The following C16orf95 variants were observed in gnomAD, a reference collection of about 807,000 sequenced individuals.
C16orf95 encodes the protein chromosome 16 open reading frame 95.
C16orf95 carries 41 observed loss-of-function variants against 32.1 expected under a neutral mutation model. The ratio of observed to expected loss-of-function variants is 1.28; its 90% CI spans 1.00 to 1.66. The LOEUF (loss-of-function observed/expected upper bound fraction) is 1.66. Ranked by LOEUF, C16orf95 falls within the 40% of genes most tolerant of loss-of-function variation. The pLI is 0.00. For synonymous variants in C16orf95, 147 were observed against 128.9 expected (o/e 1.14, Z -0.95); for missense variants, 399 against 325.9 (o/e 1.22, Z -1.73).
chr16:87,316,139 A>C (rs1437585018), intron 1 of C16orf95, among the ~76,000 whole-genome samples: 1 of 152,230 alleles, frequency 6.6e-6, no homozygotes, highest in Non-Finnish European at 1.5e-5. Flanking sequence ...GGAGCATTCC[A>C]ACCTGCTGAG....
intron 5 of C16orf95, 24 bp downstream of exon 5, chr16:87,310,273 G>A: frequency 6.5e-7 from 1 of 1,535,394 alleles, no homozygotes; most frequent in East Asian, 2.4e-5. Context: ...GGGATGATAT[G>A]AGACACACAC....
chr16:87,312,803 A>G (rs1911344674), intron 3 of C16orf95, among the ~76,000 whole-genome samples: 1 of 152,198 alleles, frequency 6.6e-6, no homozygotes, highest in South Asian at 2.1e-4. Context: ...GGAATCCACA[A>G]AAAGAGCTAC....
chr16:87,307,086 C>G (rs1440214556), intron 5 of C16orf95, among the ~76,000 whole-genome samples: 2 of 152,188 alleles, frequency 1.3e-5, no homozygotes, highest in African/African-American at 2.4e-5. Context: ...TCAAATCACT[C>G]ACCTTTTCCA....
chr16:87,306,539 G>C (rs1292370143), intron 5 of C16orf95, among the ~76,000 whole-genome samples: 1 of 151,916 alleles, frequency 6.6e-6, no homozygotes, highest in Non-Finnish European at 1.5e-5. Context: ...CTTTCCTTAT[G>C]AAAAATTATG....
intron 3 of C16orf95, among the ~76,000 whole-genome samples, chr16:87,312,446 G>A (rs917390169): frequency 6.6e-6 from 1 of 151,748 alleles, no homozygotes. Flanking sequence ...GTGGGCACCT[G>A]TAATCTCAGC....
At position 87,305,287 on chromosome 16, in the gene C16orf95, C is replaced by T. The variant is rs116619805; in HGVS notation, c.701+432G>A. Among the ~76,000 whole-genome samples the T allele has an allele frequency of 9.4e-3, 1,430 of 152,192 alleles. 29 individuals are homozygous for T. Among genetic ancestry groups the T allele is most frequent in the African/African-American group, 0.033 (1,376 of 41,534 alleles). On this transcript the variant is annotated intron_variant, in intron 6 of 6. Coordinates refer to ENST00000567970, the MANE Select transcript of C16orf95 (RefSeq NM_001195124.3). This position sits in a 1 kb window ranked among gnomAD's most constrained non-coding sequence, Gnocchi z 4.2. ...AGGGGCTTTCTAGTATGGAGACTGG[C>T]GGCTGGGGCTCAAGCTGGGGACAGG...
chr16:87,315,150 G>T, intron 2 of C16orf95, 54 bp from the exon 3 acceptor site: 1 of 1,519,632 alleles, frequency 6.6e-7, no homozygotes, highest in South Asian at 1.2e-5. Flanking sequence ...TTTGCAGGGA[G>T]ACAGGAGGCT....
intron 3 of C16orf95, among the ~76,000 whole-genome samples, chr16:87,314,566 A>G (rs111505274): frequency 4.6e-5 from 7 of 152,220 alleles, no homozygotes; most frequent in African/African-American, 1.4e-4. Context: ...AGGGTTGTGT[A>G]TATGCTCATT....
rs562966151 is a variant in C16orf95, at chr16:87,311,233, G to C, written c.394C>G (p.Arg132Gly). 1 of 1,535,764 alleles carries C rather than the reference G, an allele frequency of 6.5e-7. No homozygotes were observed. The highest frequency in any genetic ancestry group is 8.7e-7 in the Non-Finnish European group (1 of 1,146,704). ...GGCATCGGGAGGCGGCCCCCAAAGC[G>C]GTGGCATAGGCAGGGGCACATCTTG... ...TAKMCPCLCH[R>G]FGGRLPMPRD... is the part of the protein sequence containing the mutation. Residue 132 changes from arginine (R) to glycine (G), a missense_variant, in exon 4 of 7, where the codon CGC becomes GGC. Physicochemically the swap from Arg to Gly is moderately radical, Grantham distance 125 (BLOSUM62 -2). Coordinates refer to ENST00000567970, the MANE Select transcript of C16orf95 (RefSeq NM_001195124.3).
intron 5 of C16orf95, among the ~76,000 whole-genome samples, chr16:87,308,519 T>TGC (rs1567603780): frequency 8.8e-5 from 13 of 147,378 alleles, no homozygotes; most frequent in African/African-American, 2.8e-4. Context: ...AATAAATAAA[T>TGC]AAGCAGATGT....
chr16:87,302,971 G>A lies in C16orf95; in HGVS notation c.*86C>T, dbSNP rs909877884. 2.2e-6 allele frequency: 3 copies of A among 1,351,156 alleles called. No individual in the cohort carries two copies. Among genetic ancestry groups the A allele is most frequent in the Middle Eastern group, 1.8e-4 (1 of 5,654 alleles). The allele number at this position is 1,351,156 out of a possible 1,614,324, so 83.7% of individuals were successfully genotyped here. A position where few individuals can be genotyped will look rare whatever the true frequency, so the allele number is the denominator to read the frequency against. ...TTCTGAGAAGACAGCGACTGTCACA[G>A]ACGCCTCCTGATTGGTGGACTCTCA... On this transcript the variant is annotated 3_prime_UTR_variant, in exon 7 of 7. Coordinates refer to ENST00000567970, the MANE Select transcript of C16orf95 (RefSeq NM_001195124.3).
rs893396222 is a variant in C16orf95, at chr16:87,317,270, T to TCA, written c.-30_-29dup. ...GGCTTCTTATGGCTGACGCGCCCTT[T>TCA]CACACACACATCGTCCGCAGGCCCT... On this transcript the variant is annotated 5_prime_UTR_variant, in exon 1 of 7. An upstream open reading frame in the 5' UTR loses its in-frame stop. Coordinates refer to ENST00000567970, the MANE Select transcript of C16orf95 (RefSeq NM_001195124.3). The TCA allele has an allele frequency of 1.0e-5, 15 of 1,497,594 alleles. No homozygotes were observed. Among genetic ancestry groups the TCA allele is most frequent in the Middle Eastern group, 3.4e-4 (2 of 5,850 alleles). 92.8% of individuals were successfully genotyped at this position (1,497,594 alleles called of 1,614,324 possible). A position where few individuals can be genotyped will look rare whatever the true frequency, so the allele number is the denominator to read the frequency against.
rs548707290 is a variant in C16orf95, at chr16:87,317,075, T to C, written c.152+16A>G. 2.3e-4 allele frequency: 347 copies of C among 1,508,114 alleles called. 1 individual carries two copies. Among genetic ancestry groups the C allele is most frequent in the Middle Eastern group, 1.4e-3 (8 of 5,768 alleles). 93.4% of individuals were successfully genotyped at this position (1,508,114 alleles called of 1,614,324 possible). Reference sequence around the variant, plus strand: ...AGGTGTCGGGTAGCCGCGGGCAGGATTCAGGACTCACTTGCCTGCCATCCT... The same window carrying C: ...AGGTGTCGGGTAGCCGCGGGCAGGACTCAGGACTCACTTGCCTGCCATCCT... On this transcript the variant is annotated intron_variant, in intron 1 of 6. Coordinates refer to ENST00000567970, the MANE Select transcript of C16orf95 (RefSeq NM_001195124.3).
rs1184275351 is a variant in C16orf95, at chr16:87,317,148, C to G, written c.95G>C (p.Gly32Ala). 2.6e-6 allele frequency: 4 copies of G among 1,534,270 alleles called. No individual in the cohort carries two copies. Among genetic ancestry groups the G allele is most frequent in the Middle Eastern group, 3.3e-4 (2 of 5,976 alleles). The change falls in exon 1 of 7, where the codon GGC (glycine) becomes GCC (alanine). Residue 32 changes from glycine to alanine, a missense_variant. By Grantham distance (60) the Gly-to-Ala change is moderately conservative. Transcript: ENST00000567970. ...AASGAAAGGP[G>A]AGCVGLCRLA... is the part of the protein sequence containing the mutation. ...CCTGCAGAGCCCGACGCACCCCGCG[C>G]CCGGCCCCCCGGCAGCAGCGCCTGA...
chr16:87,313,117 A>T (rs1201521473), intron 3 of C16orf95, among the ~76,000 whole-genome samples: 1 of 152,130 alleles, frequency 6.6e-6, no homozygotes, highest in East Asian at 1.9e-4. Context: ...TACAAAGCCC[A>T]CACAGTCCCA....
intron 3 of C16orf95, 127 bp downstream of exon 3, chr16:87,314,844 A>C (rs1904305654): frequency 1.1e-6 from 1 of 900,566 alleles, no homozygotes; most frequent in Admixed American, 3.1e-5. Flanking sequence ...TAAATAAATA[A>C]TATCAAACTG....
intron 5 of C16orf95, among the ~76,000 whole-genome samples, chr16:87,307,803 G>C (rs867046384): frequency 6.6e-6 from 1 of 152,104 alleles, no homozygotes; most frequent in Non-Finnish European, 1.5e-5. Flanking sequence ...TATCAACTTT[G>C]TTTCTCAACA....
chr16:87,315,678 G>A, intron 2 of C16orf95, 94 bp downstream of exon 2: 3 of 967,166 alleles, frequency 3.1e-6, no homozygotes, highest in South Asian at 3.8e-5. Context: ...ATTCTCTCAT[G>A]GGATGCAGCT....
At chr16:87,315,200 G>A (rs1057308660) in intron 2 of C16orf95, 104 bp from the exon 3 acceptor site, 12 of 1,232,726 alleles carry the variant, frequency 9.7e-6, no homozygotes, top group Admixed American at 2.6e-5. Flanking sequence ...GATGGTGTCC[G>A]GGGGCAGGGT....
Sources: allele counts gnomAD v4.1 joint callset (sites outside exome capture counted in the v4.1 genomes callset), GRCh38; gene constraint gnomAD v4.1.1; non-coding constraint Gnocchi (gnomAD v3.1); transcripts MANE v1.5; gene names NCBI Gene and HGNC (gene_info 2026-07-23, HGNC 2026-07-21).